TAOK3: variants seen among roughly 807,000 people sequenced by gnomAD.
The protein encoded by TAOK3 is TAO kinase 3, also known as serine/threonine-protein kinase TAO3.
Under a neutral mutation model 120.4 loss-of-function variants are expected in TAOK3, and 40 were observed. The observed-to-expected ratio is 0.33, with a 90% CI of 0.26 to 0.43. The LOEUF (loss-of-function observed/expected upper bound fraction) is 0.43. TAOK3 is among the 20% of genes least tolerant of loss of function. TAOK3 has a pLI of 1.00. For missense variants in TAOK3, 821 were observed against 1,112.1 expected, an observed-to-expected ratio of 0.74 and a Z score of 3.72; for synonymous variants, 355 against 387.5, an observed-to-expected ratio of 0.92 and a Z score of 0.99.
intron 1 of TAOK3, among the ~76,000 whole-genome samples, chr12:118,275,643 T>C (rs572971077): frequency 6.6e-6 from 1 of 152,382 alleles, no homozygotes; most frequent in South Asian, 2.1e-4. Context: ...CATTTATTCA[T>C]GTATCATTCA....
chr12:118,240,134 C>T (rs78800786), intron 5 of TAOK3, among the ~76,000 whole-genome samples: 8,200 of 150,578 alleles, frequency 0.054, 458 homozygotes, highest in East Asian at 0.25. Flanking sequence ...TTGCAATCTG[C>T]GGAGGCTTTC....
chr12:118,204,859 A>G (rs936338602), intron 11 of TAOK3, among the ~76,000 whole-genome samples: 1 of 151,916 alleles, frequency 6.6e-6, no homozygotes, highest in East Asian at 1.9e-4. Context: ...GCAAACCCCC[A>G]TCTCTACTAA....
intron 1 of TAOK3, among the ~76,000 whole-genome samples, chr12:118,320,571 A>C (rs953576320): frequency 1.2e-4 from 19 of 152,208 alleles, no homozygotes; most frequent in African/African-American, 4.1e-4. Context: ...AATAATTAGT[A>C]ATAGTTATGA....
At chr12:118,295,964 T>C (rs538343221) in intron 1 of TAOK3, among the ~76,000 whole-genome samples, 8 of 152,334 alleles carry the variant, frequency 5.3e-5, no homozygotes, top group African/African-American at 1.9e-4. Context: ...ATACAAAATA[T>C]TCATGTGCCA....
At position 118,363,046 on chromosome 12, in the gene TAOK3, A is replaced by AAAAG. The variant is rs1169157878; in HGVS notation, c.-194+9598_-194+9601dup. Among the ~76,000 whole-genome samples the AAAAG allele has an allele frequency of 2.9e-4, 40 of 135,922 alleles. No homozygotes were observed. In the East Asian group the frequency reaches 6.4e-3, roughly 22 times the overall value. The allele number at this position is 135,922 out of a possible 152,430, so 89.2% of individuals were successfully genotyped here. On this transcript the variant is annotated intron_variant, in intron 1 of 20. Transcript: ENST00000392533. Reference sequence around the variant, plus strand: ...AAAAAAAAAAAAAAAAAAAAAAAAGAAAAGAAAGAAAGAGACAGGAAAACA... The same window carrying AAAAG: ...AAAAAAAAAAAAAAAAAAAAAAAAGAAAAGAAAGAAAGAAAGAGACAGGAAAACA...
At chr12:118,167,685 CT>C (rs1317138009) in intron 17 of TAOK3, among the ~76,000 whole-genome samples, 1 of 139,264 alleles carries the variant, frequency 7.2e-6, no homozygotes. Context: ...TTTTTTTTTC[CT>C]TTTTTTGCAA....
intron 14 of TAOK3, among the ~76,000 whole-genome samples, chr12:118,185,656 G>C (rs2037029183): frequency 6.6e-6 from 1 of 152,198 alleles, no homozygotes; most frequent in South Asian, 2.1e-4. Context: ...TAAAAGTAAT[G>C]ACTGATAACA....
chr12:118,239,780 C>G (rs1034285066), intron 5 of TAOK3, among the ~76,000 whole-genome samples: 2 of 152,102 alleles, frequency 1.3e-5, no homozygotes, highest in Non-Finnish European at 2.9e-5. Context: ...GAAGATGTAG[C>G]CTGCTATGTA....
chr12:118,178,695 T>C (rs2036503871), intron 15 of TAOK3, among the ~76,000 whole-genome samples: 1 of 152,194 alleles, frequency 6.6e-6, no homozygotes, highest in African/African-American at 2.4e-5. Context: ...TGAACTCAAA[T>C]GATCCACCTG....
chr12:118,335,976 T>C (rs2044352039), intron 1 of TAOK3, among the ~76,000 whole-genome samples: 1 of 152,176 alleles, frequency 6.6e-6, no homozygotes, highest in Admixed American at 6.6e-5. Flanking sequence ...AGACATACCA[T>C]ATTCACAGAT....
intron 9 of TAOK3, 46 bp downstream of exon 9, chr12:118,233,628 A>G: frequency 7.1e-7 from 1 of 1,400,298 alleles, no homozygotes; most frequent in Middle Eastern, 1.8e-4. Flanking sequence ...CATCTGCAAA[A>G]TAGAATTTTA....
At chr12:118,223,874 A>C (rs2139684253) in intron 9 of TAOK3, among the ~76,000 whole-genome samples, 1 of 152,210 alleles carries the variant, frequency 6.6e-6, no homozygotes, top group East Asian at 1.9e-4. Flanking sequence ...TCCTGACCTC[A>C]AGTGATCTGC....
At chr12:118,293,435 T>C (rs6490174) in intron 1 of TAOK3, among the ~76,000 whole-genome samples, 6,661 of 151,530 alleles carry the variant, frequency 0.044, 427 homozygotes, top group African/African-American at 0.14. Flanking sequence ...TCCCAGCACT[T>C]TGGGAGGCTG....
intron 3 of TAOK3, chr12:118,246,047 T>G: frequency 1.2e-6 from 1 of 845,476 alleles, no homozygotes; most frequent in Non-Finnish European, 1.8e-6. Context: ...GTAGAAAAAA[T>G]TATAAAAGAA....
chr12:118,170,719 C>T (rs560188576), intron 17 of TAOK3, among the ~76,000 whole-genome samples: 2 of 152,222 alleles, frequency 1.3e-5, no homozygotes, highest in African/African-American at 4.8e-5. Flanking sequence ...GCTGAGGTTG[C>T]GCCACTGTAC....
intron 8 of TAOK3, 58 bp from the exon 9 acceptor site, chr12:118,233,823 A>G: frequency 5.2e-6 from 6 of 1,148,036 alleles, no homozygotes; most frequent in Admixed American, 2.0e-5. Context: ...TTTCTCCAGG[A>G]AAGTGATTCA....
chr12:118,211,753 T>C (rs1325638308), intron 11 of TAOK3, among the ~76,000 whole-genome samples: 3 of 152,132 alleles, frequency 2.0e-5, no homozygotes, highest in Admixed American at 6.6e-5. Context: ...GATGCTGGGA[T>C]TATAGGCGTG....
intron 1 of TAOK3, among the ~76,000 whole-genome samples, chr12:118,300,191 T>A (rs1343961611): frequency 1.3e-5 from 2 of 152,190 alleles, no homozygotes; most frequent in Non-Finnish European, 2.9e-5. Flanking sequence ...AGCTCAGTAA[T>A]GCAAATGTAC....
chr12:118,218,396 A>G (rs1307060867), intron 9 of TAOK3, among the ~76,000 whole-genome samples: 2 of 152,106 alleles, frequency 1.3e-5, no homozygotes, highest in Non-Finnish European at 2.9e-5. Flanking sequence ...TCCCCCCTGC[A>G]TATACCAAAA....
Sources: allele counts gnomAD v4.1 joint callset (sites outside exome capture counted in the v4.1 genomes callset), GRCh38; gene constraint gnomAD v4.1.1; transcripts MANE v1.5; gene names NCBI Gene and HGNC (gene_info 2026-07-23, HGNC 2026-07-21).